Variants in NRG1 observed in about 807,000 individuals in gnomAD.
NRG1 encodes neuregulin 1, also known as pro-neuregulin-1, membrane-bound isoform.
Under a neutral mutation model 63.8 loss-of-function variants are expected in NRG1, and 18 were observed. The observed-to-expected ratio is 0.28, with a 90% CI of 0.19 to 0.42. The LOEUF (loss-of-function observed/expected upper bound fraction) is 0.42. NRG1 is among the 10% of genes least tolerant of loss of function. The pLI is 1.00. For synonymous variants in NRG1, 302 were observed against 301.3 expected, an observed-to-expected ratio of 1.00 and a Z score of -0.02; for missense variants, 762 against 814.7, an observed-to-expected ratio of 0.94 and a Z score of 0.79.
chr8:32,046,296 A>G (rs576628764), intron 1 of NRG1, among the ~76,000 whole-genome samples: 1 of 152,110 alleles, frequency 6.6e-6, no homozygotes, highest in Non-Finnish European at 1.5e-5. Context: ...CCCTTTCACT[A>G]CCAACTGCTG....
intron 1 of NRG1, among the ~76,000 whole-genome samples, chr8:31,828,421 A>G (rs976044017): frequency 2.6e-5 from 4 of 152,208 alleles, no homozygotes; most frequent in Admixed American, 6.5e-5. Flanking sequence ...GGTCAAAATT[A>G]TAGCTGCGTG....
chr8:32,412,548 A>G (rs1455879664), intron 1 of NRG1, among the ~76,000 whole-genome samples: 1 of 148,996 alleles, frequency 6.7e-6, no homozygotes, highest in African/African-American at 2.5e-5. Flanking sequence ...TCACTTAACA[A>G]TAGGATATAT....
chr8:32,421,400 C>A (rs940026404), intron 1 of NRG1, among the ~76,000 whole-genome samples: 1 of 152,170 alleles, frequency 6.6e-6, no homozygotes. Context: ...CCAACATCTG[C>A]CCTTCTCTGA....
chr8:32,728,152 A>G (rs908164426), intron 6 of NRG1, 74 bp downstream of exon 6: 1 of 1,574,832 alleles, frequency 6.3e-7, no homozygotes, highest in East Asian at 2.3e-5. Context: ...CTCATGATGT[A>G]TTGTTGCTTT....
chr8:32,305,630 G>A (rs1173207716), intron 1 of NRG1, among the ~76,000 whole-genome samples: 1 of 152,132 alleles, frequency 6.6e-6, no homozygotes, highest in Non-Finnish European at 1.5e-5. Context: ...GCCTTGGTTT[G>A]CCCCAGTGCT....
intron 1 of NRG1, among the ~76,000 whole-genome samples, chr8:32,506,835 G>C (rs1408660881): frequency 1.3e-5 from 2 of 151,902 alleles, no homozygotes; most frequent in Non-Finnish European, 1.5e-5. Flanking sequence ...AGCTGTGATT[G>C]CACCACCGCA....
chr8:32,550,544 G>T (rs919938443), intron 1 of NRG1, among the ~76,000 whole-genome samples: 1 of 152,172 alleles, frequency 6.6e-6, no homozygotes, highest in Non-Finnish European at 1.5e-5. Flanking sequence ...GGGGCCAGCG[G>T]TCTGAAGTAG....
At chr8:32,534,617 T>C (rs1831776645) in intron 1 of NRG1, among the ~76,000 whole-genome samples, 1 of 152,144 alleles carries the variant, frequency 6.6e-6, no homozygotes, top group Non-Finnish European at 1.5e-5. Context: ...TTGAAATACT[T>C]GGCTTTTATT....
intron 7 of NRG1, among the ~76,000 whole-genome samples, chr8:32,746,951 C>G (rs568051168): frequency 1.4e-5 from 2 of 146,114 alleles, no homozygotes; most frequent in East Asian, 4.2e-4. Context: ...TGCTCTGGGT[C>G]TAGTATGACT....
chr8:31,880,011 A>G (rs1029560664), intron 1 of NRG1, among the ~76,000 whole-genome samples: 4 of 152,352 alleles, frequency 2.6e-5, no homozygotes, highest in African/African-American at 9.6e-5. Flanking sequence ...ACAATGCTGC[A>G]ATGAACATTG....
At chr8:32,538,752 C>G (rs71512639) in intron 1 of NRG1, among the ~76,000 whole-genome samples, 1 of 152,126 alleles carries the variant, frequency 6.6e-6, no homozygotes, top group Non-Finnish European at 1.5e-5. Context: ...TATCTGCATA[C>G]GTTTATAGTC....
intron 1 of NRG1, among the ~76,000 whole-genome samples, chr8:32,169,746 C>T (rs1470965007): frequency 2.6e-5 from 4 of 152,168 alleles, no homozygotes; most frequent in African/African-American, 9.7e-5. Context: ...CACAAACACA[C>T]AAACTATGGG....
chr8:32,020,754 T>C (rs898473203), intron 1 of NRG1, among the ~76,000 whole-genome samples: 1 of 152,246 alleles, frequency 6.6e-6, no homozygotes, highest in Non-Finnish European at 1.5e-5. Flanking sequence ...CATTTCAGAA[T>C]ACCTTTGTAT....
chr8:32,374,141 T>C (rs752589179), intron 1 of NRG1, among the ~76,000 whole-genome samples: 5 of 152,312 alleles, frequency 3.3e-5, no homozygotes, highest in Non-Finnish European at 7.4e-5. Context: ...GGGTGACAAG[T>C]TGAATACAAA....
chr8:32,350,893 C>T (rs901865213), intron 1 of NRG1, among the ~76,000 whole-genome samples: 9 of 152,232 alleles, frequency 5.9e-5, no homozygotes, highest in South Asian at 2.1e-4. Context: ...GCGGTGTCCA[C>T]GCCCCACTCA....
chr8:32,613,506 T>G (rs1338253875), intron 3 of NRG1, among the ~76,000 whole-genome samples: 1 of 152,044 alleles, frequency 6.6e-6, no homozygotes, highest in Admixed American at 6.6e-5. Context: ...ATATTAGTAA[T>G]AAAGTTTTCT....
intron 1 of NRG1, among the ~76,000 whole-genome samples, chr8:32,148,225 A>G (rs1837110781): frequency 6.6e-6 from 1 of 152,150 alleles, no homozygotes; most frequent in Admixed American, 6.5e-5. Flanking sequence ...CAGACGAAAT[A>G]ATTTATCCAG....
chr8:31,703,059 A>G (rs1810785711), intron 1 of NRG1, among the ~76,000 whole-genome samples: 1 of 149,208 alleles, frequency 6.7e-6, no homozygotes, highest in East Asian at 2.0e-4. Flanking sequence ...GTGTTCCAAA[A>G]AAGGCTATTT....
At chr8:32,648,920 A>C (rs1854318926) in intron 5 of NRG1, among the ~76,000 whole-genome samples, 1 of 152,152 alleles carries the variant, frequency 6.6e-6, no homozygotes, top group Non-Finnish European at 1.5e-5. Context: ...CTTTGAGATT[A>C]CAGCAAGTCT....
Sources: gnomAD v4.1 joint callset for allele counts (sites outside exome capture counted in the v4.1 genomes callset) on GRCh38, gnomAD v4.1.1 for gene constraint, MANE v1.5 for transcripts, NCBI Gene and HGNC (gene_info 2026-07-23, HGNC 2026-07-21) for gene names.